The following PLCG2 variants were observed in gnomAD, a reference collection of about 807,000 sequenced individuals.
PLCG2 encodes phospholipase C gamma 2.
PLCG2 carries 69 observed loss-of-function variants against 175.6 expected under a neutral mutation model. That is an observed-to-expected ratio of 0.39 (90% CI 0.32 to 0.48). The LOEUF is 0.48. PLCG2 is among the 20% of genes least tolerant of loss of function. PLCG2 has a pLI of 0.91. For missense variants in PLCG2, 1,798 were observed against 1,650.9 expected (o/e 1.09, Z -1.54); for synonymous variants, 827 against 624.0 (o/e 1.33, Z -4.85).
intron 2 of PLCG2, among the ~76,000 whole-genome samples, chr16:81,759,259 A>G (rs961113104): frequency 4.6e-5 from 7 of 151,980 alleles, no homozygotes. Flanking sequence ...GTTCCTTCTC[A>G]TTGTTTTGTT....
intron 1 of PLCG2, among the ~76,000 whole-genome samples, chr16:81,781,990 G>A (rs1248782611): frequency 6.6e-6 from 1 of 151,816 alleles, no homozygotes; most frequent in Non-Finnish European, 1.5e-5. Flanking sequence ...TCCTGCCTCA[G>A]CCTCACGAGT....
rs71146047 is a variant in PLCG2, at chr16:81,816,651, ATTTTTTTTTTTTTT to A, written c.193+30486_193+30499del. On this transcript the variant is annotated intron_variant, in intron 2 of 32. Transcript: ENST00000564138. ...GCACCACCATGCCCAGCTAATTTTAATTTTTTTTTTTTTTTTTTTTTTTTTTTTTTAGTAGAGGT... is the reference window on the plus strand; with the variant it reads ...GCACCACCATGCCCAGCTAATTTTAATTTTTTTTTTTTTTTTAGTAGAGGT... Among the ~76,000 whole-genome samples the A allele has an allele frequency of 1.9e-4, 21 of 108,880 alleles. No individual in the cohort carries two copies. In the South Asian group the frequency reaches 2.2e-3, roughly 11 times the overall value. 71.4% of individuals were successfully genotyped at this position (108,880 alleles called of 152,430 possible).
chr16:81,873,517 G>A lies in PLCG2; in HGVS notation c.648+2582G>A, dbSNP rs116592478. Among the ~76,000 whole-genome samples the A allele has an allele frequency of 7.0e-3, 1,064 of 151,956 alleles. 14 individuals are homozygous for A. Among genetic ancestry groups the A allele is most frequent in the African/African-American group, 0.025 (1,031 of 41,418 alleles). On this transcript the variant is annotated intron_variant, in intron 7 of 32. Transcript: ENST00000564138. Reference sequence around the variant, plus strand: ...ATGCAATTGACCAGGATTGAGAAAAGCTCGATTTACTCAAGATAAGTAGTT... The same window carrying A: ...ATGCAATTGACCAGGATTGAGAAAAACTCGATTTACTCAAGATAAGTAGTT...
At chr16:81,822,984 C>T (rs538438886) in intron 2 of PLCG2, among the ~76,000 whole-genome samples, 2 of 152,210 alleles carry the variant, frequency 1.3e-5, no homozygotes, top group Non-Finnish European at 2.9e-5. Context: ...TGGTTTTAGC[C>T]CAGTGAGACT....
chr16:81,902,374 G>A (rs557257829), intron 14 of PLCG2, among the ~76,000 whole-genome samples: 1 of 152,326 alleles, frequency 6.6e-6, no homozygotes, highest in Admixed American at 6.5e-5. Context: ...GGAAGTTCAA[G>A]GTCAGGGTGC....
intron 19 of PLCG2, 54 bp downstream of exon 19, chr16:81,912,770 A>T: frequency 1.3e-6 from 2 of 1,508,054 alleles, no homozygotes; most frequent in Non-Finnish European, 1.8e-6. Context: ...GCAAGGACAG[A>T]TGCGGAGAGA....
chr16:81,817,092 A>G (rs1324078563), intron 2 of PLCG2, among the ~76,000 whole-genome samples: 1 of 152,146 alleles, frequency 6.6e-6, no homozygotes, highest in Non-Finnish European at 1.5e-5. Context: ...GCTGGTGGGG[A>G]GAGACGGATG....
intron 2 of PLCG2, among the ~76,000 whole-genome samples, chr16:81,789,840 C>G (rs75259348): frequency 6.9e-6 from 1 of 145,154 alleles, no homozygotes; most frequent in Non-Finnish European, 1.5e-5. Context: ...CCCTTCCCAC[C>G]TTTGCCCCCC....
In PLCG2 at chr16:81,881,464, G is replaced by T. The variant is rs1291755934; in HGVS notation, c.692+511G>T. On this transcript the variant is annotated intron_variant, in intron 8 of 32. Transcript: ENST00000564138. The stretch of plus-strand genomic sequence containing the variant: ...CACTGTGCCTCATGATTTCCCAAGT[G>T]GGGAATTTCTGAGATGTTATGTGTT... Among the ~76,000 whole-genome samples the T allele has an allele frequency of 7.2e-5, 11 of 152,192 alleles. No homozygotes were observed. In the East Asian group the frequency reaches 2.1e-3, roughly 29 times the overall value.
chr16:81,762,370 A>T (rs996272025), intron 2 of PLCG2, among the ~76,000 whole-genome samples: 1 of 151,944 alleles, frequency 6.6e-6, no homozygotes, highest in Non-Finnish European at 1.5e-5. Flanking sequence ...GGAGTTCAAG[A>T]CCAGCCTGGC....
intron 30 of PLCG2, among the ~76,000 whole-genome samples, chr16:81,942,280 G>A (rs187452725): frequency 6.6e-6 from 1 of 152,364 alleles, no homozygotes; most frequent in African/African-American, 2.4e-5. Flanking sequence ...GGGCATCAAA[G>A]TGTGTCAATT....
At chr16:81,913,159 T>G (rs1291399844) in intron 19 of PLCG2, among the ~76,000 whole-genome samples, 1 of 152,202 alleles carries the variant, frequency 6.6e-6, no homozygotes, top group Admixed American at 6.5e-5. Context: ...CCTCTAGGCC[T>G]GTGGTTCTCT....
intron 10 of PLCG2, among the ~76,000 whole-genome samples, chr16:81,890,303 T>C (rs1283872285): frequency 6.6e-6 from 1 of 152,160 alleles, no homozygotes; most frequent in African/African-American, 2.4e-5. Flanking sequence ...GCAGTTTATT[T>C]TGGGGGAAGG....
chr16:81,953,475 T>G (rs567288151), intron 31 of PLCG2, among the ~76,000 whole-genome samples: 2 of 152,132 alleles, frequency 1.3e-5, no homozygotes, highest in South Asian at 2.1e-4. Flanking sequence ...GGGAAAAACT[T>G]TATTTTTTTG....
chr16:81,953,041 A>G (rs375799164), intron 31 of PLCG2, among the ~76,000 whole-genome samples: 2 of 152,242 alleles, frequency 1.3e-5, no homozygotes, highest in Non-Finnish European at 2.9e-5. Context: ...CTTCTGTGAC[A>G]TTCTTGCCAA....
intron 19 of PLCG2, among the ~76,000 whole-genome samples, chr16:81,913,797 C>A (rs917497740): frequency 1.3e-5 from 2 of 152,222 alleles, no homozygotes; most frequent in African/African-American, 4.8e-5. Flanking sequence ...ATCCCATCCC[C>A]TGGTGACCCT....
intron 7 of PLCG2, among the ~76,000 whole-genome samples, chr16:81,871,244 A>G (rs1475456615): frequency 2.0e-5 from 3 of 152,238 alleles, no homozygotes; most frequent in Non-Finnish European, 2.9e-5. Context: ...ACTCTACTGC[A>G]TTATTTCATT....
At chr16:81,818,037 T>C (rs1430752642) in intron 2 of PLCG2, among the ~76,000 whole-genome samples, 1 of 152,242 alleles carries the variant, frequency 6.6e-6, no homozygotes, top group Non-Finnish European at 1.5e-5. Context: ...CTTCCTTTCA[T>C]GTGGCCTGGG....
chr16:81,837,694 T>G (rs567700299), intron 2 of PLCG2, among the ~76,000 whole-genome samples: 1 of 152,002 alleles, frequency 6.6e-6, no homozygotes, highest in African/African-American at 2.4e-5. Flanking sequence ...GTTTTTTTTT[T>G]TTTTTTTTCT....
Sources: gnomAD v4.1 joint callset for allele counts (sites outside exome capture counted in the v4.1 genomes callset) on GRCh38, gnomAD v4.1.1 for gene constraint, MANE v1.5 for transcripts, NCBI Gene and HGNC (gene_info 2026-07-23, HGNC 2026-07-21) for gene names.